Variants in COL4A6 observed in about 807,000 individuals in gnomAD.
COL4A6 encodes the protein collagen alpha-6(IV) chain.
COL4A6 carries 59 observed loss-of-function variants against 126.7 expected under a neutral mutation model. The ratio of observed to expected loss-of-function variants is 0.47; its 90% CI spans 0.38 to 0.58. The LOEUF is 0.58. COL4A6 is among the 20% of genes least tolerant of loss of function. The pLI, the probability that COL4A6 is intolerant of heterozygous loss-of-function variation, is 0.00. For missense variants in COL4A6, 1,285 were observed against 1,337.3 expected (o/e 0.96, Z 0.61); for synonymous variants, 547 against 496.6 (o/e 1.10, Z -1.35).
chrX:108,385,942 C>T (rs2040679436), intron 2 of COL4A6, among the ~76,000 whole-genome samples: 1 of 109,075 alleles, frequency 9.2e-6, no homozygotes, highest in Non-Finnish European at 1.9e-5. Flanking sequence ...TTGTTCAACT[C>T]CCACTTATGA....
intron 2 of COL4A6, among the ~76,000 whole-genome samples, chrX:108,421,788 C>G (rs2063985471): frequency 9.0e-6 from 1 of 111,416 alleles, no homozygotes; most frequent in Non-Finnish European, 1.9e-5. Context: ...ACGATATACA[C>G]CAAATTTATG....
chrX:108,411,771 C>A (rs1236126675), intron 2 of COL4A6, among the ~76,000 whole-genome samples: 1 of 111,832 alleles, frequency 8.9e-6, no homozygotes, highest in Non-Finnish European at 1.9e-5. Context: ...ATCCCGGGTG[C>A]TTGTGCATGC....
intron 3 of COL4A6, among the ~76,000 whole-genome samples, chrX:108,285,452 G>A (rs181985730): frequency 3.2e-4 from 36 of 111,841 alleles, no homozygotes; most frequent in African/African-American, 1.1e-3. Context: ...AGCTTTTATC[G>A]GGGTAAAGTG....
At chrX:108,344,716 T>A (rs2039668416) in intron 2 of COL4A6, among the ~76,000 whole-genome samples, 1 of 112,263 alleles carries the variant, frequency 8.9e-6, no homozygotes, top group Non-Finnish European at 1.9e-5. Flanking sequence ...ATCCTTTGAT[T>A]TCAAATTGAC....
chrX:108,427,812 CTTAAA>C (rs1225336629), intron 2 of COL4A6, among the ~76,000 whole-genome samples: 2 of 112,113 alleles, frequency 1.8e-5, no homozygotes, highest in African/African-American at 3.2e-5. Context: ...TGATAAAAAA[CTTAAA>C]TTAAAGAGAT....
rs1176043507 is a variant in COL4A6, at chrX:108,206,675, C to T, written c.547-95G>A. 6.8e-6 allele frequency: 5 copies of T among 729,962 alleles called. No homozygotes were observed. In the East Asian group the frequency reaches 1.6e-4, roughly 23 times the overall value. 60.2% of individuals were successfully genotyped at this position (729,962 alleles called of 1,213,427 possible). ...TCCACGAGAACTGTACAAGAATGTT[C>T]ATAGCAACTTTATTCATAATAGTCA... On this transcript the variant is annotated intron_variant, in intron 8 of 44. Transcript: ENST00000334504.
chrX:108,205,334 A>C, intron 11 of COL4A6, 105 bp downstream of exon 11: 1 of 675,638 alleles, frequency 1.5e-6, no homozygotes, highest in Non-Finnish European at 2.4e-6. Context: ...TTCATTTCCC[A>C]AGGCGAAAAA....
intron 8 of COL4A6, among the ~76,000 whole-genome samples, chrX:108,207,624 A>ATT (rs1183275283): frequency 2.5e-4 from 27 of 109,759 alleles, no homozygotes; most frequent in African/African-American, 8.6e-4. Context: ...ACTGATTGAA[A>ATT]TTTTTTTTTT....
chrX:108,187,848 C>A lies in COL4A6; in HGVS notation c.1767G>T (p.Pro589=). 1 of 1,201,378 alleles carries A rather than the reference C, an allele frequency of 8.3e-7. No individual in the cohort carries two copies. The highest frequency in any genetic ancestry group is 1.1e-6 in the Non-Finnish European group (1 of 888,824). The stretch of plus-strand genomic sequence containing the variant: ...AATCACCTAGGAACGATCAACTTAC[C>A]GGAAGGCCTGGCAGACCTGGTAAAC... The part of the protein sequence containing the change: ...VPGLPGLPGL[P]GDGGQGFPGE... The change falls in exon 22 of 45, where the codon CCG becomes CCT. Residue 589 remains proline, a splice_region_variant and synonymous_variant. Transcript: ENST00000334504.
chrX:108,238,601 C>T (rs1451789009), intron 3 of COL4A6, among the ~76,000 whole-genome samples: 2 of 108,137 alleles, frequency 1.8e-5, no homozygotes, highest in African/African-American at 6.8e-5. Context: ...GGATAGACAT[C>T]TAGTTTGCCT....
intron 2 of COL4A6, among the ~76,000 whole-genome samples, chrX:108,371,169 G>A (rs978509349): frequency 4.6e-4 from 50 of 109,492 alleles, no homozygotes; most frequent in Middle Eastern, 4.7e-3. Flanking sequence ...GACAGGGTCT[G>A]TCTTATTGAT....
At chrX:108,267,780 A>G (rs1422985314) in intron 3 of COL4A6, 4 of 112,434 alleles carry the variant, frequency 3.6e-5, no homozygotes, top group Non-Finnish European at 7.5e-5. Context: ...ACTCTTTTTC[A>G]CGTAAGTTAC....
intron 3 of COL4A6, among the ~76,000 whole-genome samples, chrX:108,231,077 CTACA>C (rs112392457): frequency 0.17 from 17,454 of 105,717 alleles, 1,268 homozygotes; most frequent in Middle Eastern, 0.29. Context: ...CCCTTTCCAT[CTACA>C]TACATACATA....
intron 3 of COL4A6, among the ~76,000 whole-genome samples, chrX:108,266,262 T>G (rs1213962844): frequency 9.0e-6 from 1 of 111,301 alleles, no homozygotes; most frequent in African/African-American, 3.3e-5. Flanking sequence ...TGACAGAATT[T>G]CAGAAAATCA....
At chrX:108,210,931 C>T in intron 7 of COL4A6, among the ~76,000 whole-genome samples, 1 of 111,701 alleles carries the variant, frequency 9.0e-6, no homozygotes, top group Non-Finnish European at 1.9e-5. Flanking sequence ...GCTCTATGCA[C>T]TAATGGAAGA....
chrX:108,258,542 T>G (rs954562626), intron 3 of COL4A6, among the ~76,000 whole-genome samples: 1 of 112,037 alleles, frequency 8.9e-6, no homozygotes, highest in Non-Finnish European at 1.9e-5. Context: ...GATTGGAATC[T>G]TTAAGACACA....
chrX:108,277,349 G>A (rs894579610), intron 3 of COL4A6, among the ~76,000 whole-genome samples: 2 of 112,315 alleles, frequency 1.8e-5, no homozygotes, highest in African/African-American at 3.2e-5. Flanking sequence ...CCCGCACATG[G>A]CTCAGAGGGT....
At chrX:108,336,498 A>ACT (rs2039435225) in intron 2 of COL4A6, among the ~76,000 whole-genome samples, 1 of 111,363 alleles carries the variant, frequency 9.0e-6, no homozygotes, top group Admixed American at 9.5e-5. Flanking sequence ...AATGAGGAGT[A>ACT]GTTGCTTAAT....
At chrX:108,408,444 C>T (rs895193598) in intron 2 of COL4A6, among the ~76,000 whole-genome samples, 2 of 111,590 alleles carry the variant, frequency 1.8e-5, no homozygotes, top group African/African-American at 6.5e-5. Context: ...TTCTTTTAAG[C>T]TTATGGATCA....
Sources: gnomAD v4.1 joint callset for allele counts (sites outside exome capture counted in the v4.1 genomes callset) on GRCh38, gnomAD v4.1.1 for gene constraint, MANE v1.5 for transcripts, NCBI Gene and HGNC (gene_info 2026-07-23, HGNC 2026-07-21) for gene names.